Variants in TUBB8B observed in about 807,000 individuals in gnomAD.
TUBB8B encodes the protein HSA18p11 beta-tubulin 4Q pseudogene.
TUBB8B carries 26 observed loss-of-function variants against 31.9 expected under a neutral mutation model. The observed-to-expected ratio is 0.81, with a 90% confidence interval of 0.60 to 1.13. The LOEUF is 1.13. TUBB8B is among the 50% of genes most tolerant of loss of function. The probability of loss-of-function intolerance (pLI) is 0.00; values close to 1 mark genes in which losing one functional copy is unlikely to be tolerated. For synonymous variants in TUBB8B, 173 were observed against 231.0 expected (o/e 0.75, Z 2.28); for missense variants, 467 against 586.7 (o/e 0.80, Z 2.11).
At chr18:48,895 T>A in intron 3 of TUBB8B, 45 bp downstream of exon 3, 9 of 1,348,006 alleles carry the variant, frequency 6.7e-6, no homozygotes, top group Non-Finnish European at 8.5e-6. Context: ...GATTTTGAGC[T>A]GCCCTGGCTA....
chr18:50,293 T>C (rs1286212975), upstream of TUBB8B: 25 of 179,234 alleles, frequency 1.4e-4, no homozygotes, highest in Non-Finnish European at 2.6e-4. Context: ...TTATTTCTTC[T>C]GGTAAACATT....
intron 3 of TUBB8B, 64 bp from the exon 4 acceptor site, chr18:48,511 A>G: frequency 1.9e-6 from 2 of 1,064,626 alleles, no homozygotes; most frequent in South Asian, 2.6e-5. Flanking sequence ...TCACCACCAT[A>G]ATGCAGAAAG....
At position 49,075 on chromosome 18, in the gene TUBB8B, C is replaced by T. The variant is rs569602337; in HGVS notation, c.167-25G>A. ...CCTGCGTGGGGCGGGAGGGCATGAG[C>T]GAGGGGAGGGCCGCGTTCCCAGGAG... On this transcript the variant is annotated intron_variant, in intron 2 of 3. Coordinates refer to ENST00000308911, the MANE Select transcript of TUBB8B (RefSeq NM_001358689.2). The T allele has an allele frequency of 4.1e-4, 635 of 1,565,066 alleles. 8 individuals carry two copies. Among genetic ancestry groups the T allele is most frequent in the Admixed American group, 9.1e-4 (54 of 59,658 alleles).
Position 49,226 on chromosome 18 carries a change from C to A in TUBB8B, c.69G>T (p.Val23=), listed in dbSNP as rs541229605. Residue 23 remains valine (V), a synonymous_variant, in exon 2 of 4, where the codon GTG becomes GTT. Transcript: ENST00000308911. ...GNQIGAKFWE[V]ISDEHAIDSA... is the part of the protein sequence containing the mutation. ...AGTCGATGGCATGTTCATCAGAGATCACCTCCCAGAACTGCAAGAGACGGG... is the reference window on the plus strand; with the variant it reads ...AGTCGATGGCATGTTCATCAGAGATAACCTCCCAGAACTGCAAGAGACGGG... 1.8e-5 allele frequency: 28 copies of A among 1,535,478 alleles called. 1 individual carries two copies. In the African/African-American group the frequency reaches 3.7e-4, roughly 20 times the overall value.
chr18:68,839 C>T, the TUBB8B span, among the ~76,000 whole-genome samples: 2 of 152,128 alleles, frequency 1.3e-5, no homozygotes, highest in Non-Finnish European at 2.9e-5. Flanking sequence ...CCTGCAGTCT[C>T]GTATGCTCTC....
chr18:47,334 C>G lies in TUBB8B; in HGVS notation c.*56G>C, dbSNP rs1905632641. On this transcript the variant is annotated 3_prime_UTR_variant, in exon 4 of 4. Coordinates refer to ENST00000308911, the MANE Select transcript of TUBB8B (RefSeq NM_001358689.2). ...CAAGCGTATAGTGACACATGGCTGT[C>G]AGAACACAGTAAAGAATCCACACTG... 4 of 632,824 alleles carry G rather than the reference C, an allele frequency of 6.3e-6. No individual in the cohort carries two copies. In the South Asian group the frequency reaches 7.2e-5, roughly 11 times the overall value. The allele number at this position is 632,824 out of a possible 1,614,324, so 39.2% of individuals were successfully genotyped here.
the TUBB8B span, among the ~76,000 whole-genome samples, chr18:68,114 T>C: frequency 6.6e-6 from 1 of 152,166 alleles, no homozygotes; most frequent in African/African-American, 2.4e-5. Flanking sequence ...TTGGCCTCTA[T>C]AGTGAAGTTT....
At chr18:48,594 A>C (rs1272355824) in intron 3 of TUBB8B, 147 bp from the exon 4 acceptor site, 3 of 727,938 alleles carry the variant, frequency 4.1e-6, no homozygotes, top group Non-Finnish European at 7.4e-6. Flanking sequence ...CCTCCTCCAG[A>C]GTTACAGGAC....
chr18:61,934 T>A, the TUBB8B span, among the ~76,000 whole-genome samples: 7 of 151,780 alleles, frequency 4.6e-5, no homozygotes, highest in African/African-American at 1.7e-4. Flanking sequence ...TACTACTGAG[T>A]TCTGTACCTT....
At chr18:52,048 T>C (rs1371345989), upstream of TUBB8B, among the ~76,000 whole-genome samples, 3,748 of 111,474 alleles carry the variant, frequency 0.034, no homozygotes, top group African/African-American at 0.093. Flanking sequence ...CCTCACACTT[T>C]CATAAATATT....
the TUBB8B span, among the ~76,000 whole-genome samples, chr18:67,524 T>A: frequency 1.3e-5 from 2 of 152,160 alleles, no homozygotes; most frequent in African/African-American, 4.8e-5. Context: ...AATATTTTTG[T>A]AGGGACGGTG....
chr18:50,404 G>A (rs1906038691), upstream of TUBB8B: 1 of 156,060 alleles, frequency 6.4e-6, no homozygotes, highest in Admixed American at 6.4e-5. Context: ...GAGTACATTA[G>A]AGTTGCCAGT....
At chr18:65,311 T>A in the TUBB8B span, among the ~76,000 whole-genome samples, 74 of 149,260 alleles carry the variant, frequency 5.0e-4, no homozygotes, top group African/African-American at 1.2e-3. Context: ...CAAAAAAATT[T>A]AAAAAAAAAA....
At chr18:66,282 T>C in the TUBB8B span, among the ~76,000 whole-genome samples, 1 of 152,182 alleles carries the variant, frequency 6.6e-6, no homozygotes. Flanking sequence ...CTGGACATGG[T>C]AGCTGACACC....
the TUBB8B span, among the ~76,000 whole-genome samples, chr18:62,207 T>G: frequency 6.6e-6 from 1 of 151,660 alleles, no homozygotes; most frequent in East Asian, 1.9e-4. Flanking sequence ...TGCTGTCAGA[T>G]GTATTGGAGT....
In TUBB8B at chr18:47,903, G is replaced by T. The variant is rs768826196; in HGVS notation, c.822C>A (p.Thr274=). 1.4e-5 allele frequency: 22 copies of T among 1,611,154 alleles called. No homozygotes were observed. In the African/African-American group the frequency reaches 2.1e-4, roughly 16 times the overall value. The change falls in exon 4 of 4, where the codon ACC becomes ACA. Residue 274 remains threonine, a synonymous_variant. Transcript: ENST00000308911. ...HFFMPGFAPL[T]SRGSQQYRAL... ...CCCGGTACTGCTGGCTGCCCCGGCTGGTCAGTGGGGCAAAGCCGGGCATGA... is the reference window on the plus strand; with the variant it reads ...CCCGGTACTGCTGGCTGCCCCGGCTTGTCAGTGGGGCAAAGCCGGGCATGA...
At chr18:63,688 C>CCCTAACCCCTAA in the TUBB8B span, among the ~76,000 whole-genome samples, 1 of 136,470 alleles carries the variant, frequency 7.3e-6, no homozygotes, top group Non-Finnish European at 1.6e-5. Flanking sequence ...CTAACCCTAA[C>CCCTAACCCCTAA]CCCTAACCCT....
chr18:68,623 C>T, the TUBB8B span, among the ~76,000 whole-genome samples: 1 of 152,170 alleles, frequency 6.6e-6, no homozygotes, highest in Non-Finnish European at 1.5e-5. Flanking sequence ...AAAGCACAAT[C>T]CACCCGCCCA....
the TUBB8B span, among the ~76,000 whole-genome samples, chr18:60,841 AT>A: frequency 6.6e-6 from 1 of 151,528 alleles, no homozygotes; most frequent in African/African-American, 2.4e-5. Flanking sequence ...TATTACTTCA[AT>A]TTTTTTAATG....
Sources: allele counts gnomAD v4.1 joint callset (sites outside exome capture counted in the v4.1 genomes callset), GRCh38; gene constraint gnomAD v4.1.1; transcripts MANE v1.5; gene names NCBI Gene and HGNC (gene_info 2026-07-23, HGNC 2026-07-21).